The following HPGDS variants were observed in gnomAD, a reference collection of about 807,000 sequenced individuals.
HPGDS encodes the protein hematopoietic prostaglandin D synthase, also known as GST class-sigma.
In HPGDS, 26 loss-of-function variants were observed where a neutral mutation model predicts 23.1. That is an observed-to-expected ratio of 1.13 (90% CI 0.83 to 1.56). The LOEUF (loss-of-function observed/expected upper bound fraction) is 1.56. HPGDS is among the 40% of genes most tolerant of loss of function. HPGDS has a pLI of 0.00. For missense variants in HPGDS, 268 were observed against 236.4 expected, an observed-to-expected ratio of 1.13 and a Z score of -0.88; for synonymous variants, 95 against 77.9, an observed-to-expected ratio of 1.22 and a Z score of -1.16.
At chr4:94,341,739 T>A (rs1721178348) in intron 1 of HPGDS, among the ~76,000 whole-genome samples, 1 of 152,200 alleles carries the variant, frequency 6.6e-6, no homozygotes, top group Admixed American at 6.5e-5. Flanking sequence ...CTTCTTTGAG[T>A]TTAAGATGCA....
At position 94,308,685 on chromosome 4, in the gene HPGDS, CAG is replaced by C; in HGVS notation, c.283_284del (p.Leu95GlyfsTer2). 1 of 1,610,000 alleles carries C rather than the reference CAG, an allele frequency of 6.2e-7. No individual in the cohort carries two copies. ...QCHVDAIVDT[L>X]DDFMSCFPWA... ...AAGGAAAACATGACATGAAATCATC[CAG>C]AGTGTCCACAATAGCATCAACATGA... is the stretch of plus-strand genomic sequence containing the variant. On this transcript the variant is annotated frameshift_variant, in exon 4 of 6. Coordinates refer to ENST00000295256, the MANE Select transcript of HPGDS (RefSeq NM_014485.3). LOFTEE classifies it high-confidence loss of function.
In HPGDS at chr4:94,308,633, C is replaced by A. The variant is rs371880264; in HGVS notation, c.336+1G>T. The A allele has an allele frequency of 3.2e-5, 49 of 1,532,808 alleles. No homozygotes were observed. The highest frequency in any genetic ancestry group is 4.1e-5 in the Non-Finnish European group (46 of 1,108,992). 95.0% of individuals were successfully genotyped at this position (1,532,808 alleles called of 1,614,324 possible). ...TAGGAATAGCAAATGGATCACATTA[C>A]TTTCACATCTTGCTTTTTCTCTGCC... On this transcript the variant is annotated splice_donor_variant, in intron 4 of 5. Transcript: ENST00000295256. LOFTEE classifies it high-confidence loss of function.
chr4:94,332,166 G>A (rs1756746912), intron 2 of HPGDS, among the ~76,000 whole-genome samples: 1 of 152,054 alleles, frequency 6.6e-6, no homozygotes, highest in Non-Finnish European at 1.5e-5. Flanking sequence ...GAGGAGAGAT[G>A]ACTTGACTTC....
chr4:94,337,366 C>T (rs1259468913), intron 1 of HPGDS, among the ~76,000 whole-genome samples: 2 of 152,182 alleles, frequency 1.3e-5, no homozygotes, highest in East Asian at 1.9e-4. Context: ...TATATTTTCT[C>T]CCTTTAATAT....
At chr4:94,320,570 G>C (rs1234118198) in intron 2 of HPGDS, among the ~76,000 whole-genome samples, 1 of 152,150 alleles carries the variant, frequency 6.6e-6, no homozygotes, top group Admixed American at 6.5e-5. Flanking sequence ...TTTTTGAGAA[G>C]TGTCTGTTCA....
At chr4:94,323,650 T>A (rs1756566290) in intron 2 of HPGDS, among the ~76,000 whole-genome samples, 1 of 152,192 alleles carries the variant, frequency 6.6e-6, no homozygotes, top group Non-Finnish European at 1.5e-5. Flanking sequence ...TTTGAGCCTA[T>A]GTGTGTCTCT....
At chr4:94,334,692 A>G (rs1464609803) in intron 1 of HPGDS, 54 bp from the exon 2 acceptor site, 2 of 1,490,424 alleles carry the variant, frequency 1.3e-6, no homozygotes, top group African/African-American at 1.4e-5. Flanking sequence ...AGATGCCTCA[A>G]TATTTTTCTT....
At chr4:94,332,752 T>C (rs148684658) in intron 2 of HPGDS, among the ~76,000 whole-genome samples, 7 of 152,354 alleles carry the variant, frequency 4.6e-5, no homozygotes, top group Non-Finnish European at 8.8e-5. Flanking sequence ...CTTTTCGAGT[T>C]ATCTGCTACT....
chr4:94,304,054 C>A (rs1756096426), intron 4 of HPGDS: 1 of 151,160 alleles, frequency 6.6e-6, no homozygotes, highest in Non-Finnish European at 1.5e-5. Flanking sequence ...TTTTAAAAAA[C>A]ACATTTCCTG....
At chr4:94,311,160 C>T (rs1579431162) in intron 3 of HPGDS, among the ~76,000 whole-genome samples, 2 of 152,312 alleles carry the variant, frequency 1.3e-5, no homozygotes. Context: ...CTGGCCAGAA[C>T]TTCCAACACT....
chr4:94,317,435 C>T (rs112889066), intron 3 of HPGDS, among the ~76,000 whole-genome samples: 2 of 152,082 alleles, frequency 1.3e-5, no homozygotes, highest in Non-Finnish European at 2.9e-5. Context: ...CAAAGAAACT[C>T]CCTATTTTTT....
chr4:94,308,568 C>T (rs1414636878), intron 4 of HPGDS, 66 bp downstream of exon 4: 3 of 754,080 alleles, frequency 4.0e-6, no homozygotes, highest in South Asian at 1.8e-5. Flanking sequence ...CTTTCTAAGG[C>T]ACCTAACACA....
intron 3 of HPGDS, among the ~76,000 whole-genome samples, chr4:94,317,594 C>T (rs555213372): frequency 6.6e-6 from 1 of 152,274 alleles, no homozygotes; most frequent in East Asian, 1.9e-4. Flanking sequence ...AATGAAACAT[C>T]CCTGTCCAAT....
At chr4:94,319,104 A>G (rs1756453163) in intron 2 of HPGDS, among the ~76,000 whole-genome samples, 1 of 152,124 alleles carries the variant, frequency 6.6e-6, no homozygotes, top group South Asian at 2.1e-4. Flanking sequence ...TTCTGGCTAG[A>G]TTATCTGTCC....
intron 3 of HPGDS, 141 bp downstream of exon 3, chr4:94,317,732 G>A (rs1372940334): frequency 5.8e-6 from 3 of 516,170 alleles, no homozygotes; most frequent in African/African-American, 2.0e-5. Context: ...GATACAGGTG[G>A]TATATTTATA....
At position 94,299,648 on chromosome 4, in the gene HPGDS, G is replaced by C. The variant is rs1560582170; in HGVS notation, c.436-4C>G. The C allele has an allele frequency of 6.2e-7, 1 of 1,611,088 alleles. No individual in the cohort carries two copies. The highest frequency in any genetic ancestry group is 8.5e-7 in the Non-Finnish European group (1 of 1,178,586). On this transcript the variant is annotated splice_region_variant and splice_polypyrimidine_tract_variant and intron_variant, in intron 5 of 5. Transcript: ENST00000295256. ...AGTAGAAGTCTGCCCAAGTTACCTA[G>C]TTTAAAGGAAACAAACTTTTCATTT...
intron 3 of HPGDS, among the ~76,000 whole-genome samples, chr4:94,310,616 A>G (rs1017087366): frequency 2.0e-5 from 3 of 152,108 alleles, no homozygotes; most frequent in South Asian, 2.1e-4. Context: ...TTGGCAATGC[A>G]GGCTCTTTTT....
chr4:94,299,196 T>C lies in HPGDS; in HGVS notation c.*284A>G, dbSNP rs912803045. ...GAAGAATGGTGTTGCTAAACCATTATGACTGCAATTCGTGCATGTTAGAAC... is the reference window on the plus strand; with the variant it reads ...GAAGAATGGTGTTGCTAAACCATTACGACTGCAATTCGTGCATGTTAGAAC... On this transcript the variant is annotated 3_prime_UTR_variant, in exon 6 of 6. Transcript: ENST00000295256. 3.0e-5 allele frequency: 8 copies of C among 264,932 alleles called. No individual in the cohort carries two copies. The highest frequency in any genetic ancestry group is 4.3e-5 in the Non-Finnish European group (6 of 140,488). The allele number at this position is 264,932 out of a possible 1,614,324, so 16.4% of individuals were successfully genotyped here.
intron 1 of HPGDS, among the ~76,000 whole-genome samples, chr4:94,339,454 G>T (rs1182231866): frequency 6.6e-6 from 1 of 152,214 alleles, no homozygotes; most frequent in East Asian, 1.9e-4. Context: ...TAGATAAAAA[G>T]CTCATTTAGA....
Sources: gnomAD v4.1 joint callset for allele counts (sites outside exome capture counted in the v4.1 genomes callset) on GRCh38, gnomAD v4.1.1 for gene constraint, MANE v1.5 for transcripts, NCBI Gene and HGNC (gene_info 2026-07-23, HGNC 2026-07-21) for gene names.